The following USP13 variants were observed in gnomAD, a reference collection of about 807,000 sequenced individuals.
USP13 encodes ubiquitin carboxyl-terminal hydrolase 13.
A neutral mutation model predicts 107.8 loss-of-function variants in USP13; 68 were observed. That is an observed-to-expected ratio of 0.63 (90% CI 0.52 to 0.77). The LOEUF (loss-of-function observed/expected upper bound fraction) is 0.77, where lower values mean the gene tolerates loss of function less well. USP13 is among the 30% of genes least tolerant of loss of function. USP13 has a pLI of 0.00. For synonymous variants in USP13, 377 were observed against 389.5 expected (o/e 0.97, Z 0.38); for missense variants, 945 against 1,093.3 (o/e 0.86, Z 1.91).
At chr3:179,715,037 C>T (rs1031736285) in intron 6 of USP13, among the ~76,000 whole-genome samples, 20 of 151,498 alleles carry the variant, frequency 1.3e-4, no homozygotes, top group Non-Finnish European at 2.9e-5. Context: ...ACTCCATACT[C>T]GGCTAATTTT....
intron 20 of USP13, among the ~76,000 whole-genome samples, chr3:179,783,624 AAGGG>A (rs903139944): frequency 2.4e-4 from 36 of 152,324 alleles, no homozygotes; most frequent in Admixed American, 1.4e-3. Flanking sequence ...GATTTCTATA[AAGGG>A]AGTTATGGGA....
At position 179,721,470 on chromosome 3, in the gene USP13, G is replaced by A. The variant is rs774688958; in HGVS notation, c.969G>A (p.Ser323=). ...RVSEWEVIQE[S]GTKLKPMYGP... is the part of the protein sequence containing the mutation. ...GTGAGTGGGAAGTGATCCAGGAGTC[G>A]GGCACGAAACTGAAGCCAATGTATG... The change falls in exon 8 of 21, where the codon TCG becomes TCA. Residue 323 remains serine (S), a synonymous_variant. Coordinates refer to ENST00000263966, the MANE Select transcript of USP13 (RefSeq NM_003940.3). This position sits in a 1 kb window ranked among gnomAD's most constrained non-coding sequence, Gnocchi z 4.3. 1.1e-5 allele frequency: 17 copies of A among 1,614,000 alleles called. No homozygotes were observed. Among genetic ancestry groups the A allele is most frequent in the Admixed American group, 3.3e-5 (2 of 59,984 alleles).
intron 13 of USP13, 89 bp from the exon 14 acceptor site, chr3:179,752,196 G>A (rs1714636649): frequency 8.7e-7 from 1 of 1,152,618 alleles, no homozygotes; most frequent in Non-Finnish European, 1.3e-6. Context: ...ATGGCCAGGT[G>A]TGCCTCAGAC....
chr3:179,671,449 G>C (rs987346740), intron 1 of USP13, among the ~76,000 whole-genome samples: 2 of 151,978 alleles, frequency 1.3e-5, no homozygotes, highest in Admixed American at 6.6e-5. Flanking sequence ...AAAACAGGAA[G>C]AAAAAAAATT....
chr3:179,753,303 G>A (rs769650230), intron 14 of USP13, among the ~76,000 whole-genome samples: 3 of 152,178 alleles, frequency 2.0e-5, no homozygotes, highest in Non-Finnish European at 2.9e-5. Context: ...ACGTGAAATT[G>A]TGCTGGGCTG....
At chr3:179,692,057 A>C (rs1596181) in intron 3 of USP13, among the ~76,000 whole-genome samples, 70,877 of 152,058 alleles carry the variant, frequency 0.47, 17,410 homozygotes, top group Admixed American at 0.54. Context: ...ATATGTATGT[A>C]TGCATGCATG....
chr3:179,744,326 C>A (rs567444013), intron 12 of USP13, among the ~76,000 whole-genome samples: 8 of 150,708 alleles, frequency 5.3e-5, no homozygotes, highest in Non-Finnish European at 5.9e-5. Flanking sequence ...TCTTGCCAGG[C>A]GCTTAGTGGT....
At position 179,653,194 on chromosome 3, in the gene USP13, C is replaced by G. The variant is rs1290920426; in HGVS notation, c.-32C>G. 7.6e-7 allele frequency: 1 copy of G among 1,315,764 alleles called. No homozygotes were observed. Among genetic ancestry groups the G allele is most frequent in the Admixed American group, 3.2e-5 (1 of 31,316 alleles). The allele number at this position is 1,315,764 out of a possible 1,614,324, so 81.5% of individuals were successfully genotyped here. On this transcript the variant is annotated 5_prime_UTR_variant, in exon 1 of 21. Coordinates refer to ENST00000263966, the MANE Select transcript of USP13 (RefSeq NM_003940.3). This position sits in a 1 kb window ranked among gnomAD's most constrained non-coding sequence, Gnocchi z 4.0. ...CAGACCCCGCGCTCCGGCTCCGGCT[C>G]GGCTCGCTCGGCTCCGGTGCGCGCC...
intron 13 of USP13, among the ~76,000 whole-genome samples, chr3:179,751,861 C>T (rs1714623577): frequency 6.6e-6 from 1 of 152,114 alleles, no homozygotes; most frequent in Non-Finnish European, 1.5e-5. Context: ...GTGGGGATTA[C>T]AGGCGTGCCC....
At position 179,784,899 on chromosome 3, in the gene USP13, G is replaced by A. The variant is rs1408386065; in HGVS notation, c.*758G>A. The A allele has an allele frequency of 1.3e-5, 2 of 152,164 alleles. No homozygotes were observed. Among genetic ancestry groups the A allele is most frequent in the Admixed American group, 6.5e-5 (1 of 15,282 alleles). The allele number at this position is 152,164 out of a possible 1,614,324, so 9.4% of individuals were successfully genotyped here. On this transcript the variant is annotated 3_prime_UTR_variant, in exon 21 of 21. Transcript: ENST00000263966. ...ACAAAACTATGACTCAGGAACCTTC[G>A]AGAAGATTAGTTCCCCACTTAGATT...
intron 14 of USP13, among the ~76,000 whole-genome samples, chr3:179,752,616 C>T (rs1218279667): frequency 6.6e-6 from 1 of 152,218 alleles, no homozygotes; most frequent in Non-Finnish European, 1.5e-5. Flanking sequence ...ACAGAATCCT[C>T]ACATTGTCAA....
chr3:179,667,043 G>T (rs1720607593), intron 1 of USP13, among the ~76,000 whole-genome samples: 1 of 152,294 alleles, frequency 6.6e-6, no homozygotes, highest in South Asian at 2.1e-4. Context: ...ATATCTTATT[G>T]CTGTCCTCTC....
chr3:179,690,371 T>C, intron 3 of USP13, 70 bp downstream of exon 3: 1 of 1,369,384 alleles, frequency 7.3e-7, no homozygotes, highest in Non-Finnish European at 1.0e-6. Flanking sequence ...CTCATGTGCA[T>C]CTTTGATTTA....
rs1275831215 is a variant in USP13, at chr3:179,784,187, A to G, written c.*46A>G. 2 of 1,400,182 alleles carry G rather than the reference A, an allele frequency of 1.4e-6. No homozygotes were observed. Among genetic ancestry groups the G allele is most frequent in the Non-Finnish European group, 9.8e-7 (1 of 1,015,384 alleles). The allele number at this position is 1,400,182 out of a possible 1,614,324, so 86.7% of individuals were successfully genotyped here. A position where few individuals can be genotyped will look rare whatever the true frequency, so the allele number is the denominator to read the frequency against. ...CGAAAAGAAGCCATACGCCTTTTTA[A>G]TTTGCCAAAAAAAAAAAGAAGAAGA... On this transcript the variant is annotated 3_prime_UTR_variant, in exon 21 of 21. Coordinates refer to ENST00000263966, the MANE Select transcript of USP13 (RefSeq NM_003940.3).
At chr3:179,732,831 C>T (rs1054992441) in intron 10 of USP13, among the ~76,000 whole-genome samples, 1 of 152,194 alleles carries the variant, frequency 6.6e-6, no homozygotes, top group Non-Finnish European at 1.5e-5. Flanking sequence ...CTCTCTTCCC[C>T]CACTGGATTC....
rs144581617 is a variant in USP13 at position 179,761,593 on chromosome 3, G to A, written c.2092+338G>A. 3.8e-3 allele frequency among the ~76,000 whole-genome samples: 572 copies of A among 152,174 alleles called. 1 individual carries two copies. The highest frequency in any genetic ancestry group is 5.9e-3 in the Non-Finnish European group (404 of 67,982). On this transcript the variant is annotated intron_variant, in intron 17 of 20. Coordinates refer to ENST00000263966, the MANE Select transcript of USP13 (RefSeq NM_003940.3). Reference sequence around the variant, plus strand: ...AAAAATTAGCTGGGCATGGTGGTGCGTACCTGTAGTCCCAGCTACTCAGGA... The same window carrying A: ...AAAAATTAGCTGGGCATGGTGGTGCATACCTGTAGTCCCAGCTACTCAGGA...
Position 179,765,796 on chromosome 3 carries a change from CATT to C in USP13, c.2365_2367del (p.Ile789del). 6.2e-7 allele frequency: 1 copy of C among 1,614,130 alleles called. No homozygotes were observed. Among genetic ancestry groups the C allele is most frequent in the Non-Finnish European group, 8.5e-7 (1 of 1,180,040 alleles). ...AGATGGAGAATAATGCCAATGCAAA[CATT>C]ATTTCTGAGGCCAAGCCCGAAGGAC... On this transcript the variant is annotated inframe_deletion, in exon 19 of 21. Coordinates refer to ENST00000263966, the MANE Select transcript of USP13 (RefSeq NM_003940.3).
At chr3:179,778,496 G>C (rs1453308486) in intron 19 of USP13, among the ~76,000 whole-genome samples, 1 of 152,198 alleles carries the variant, frequency 6.6e-6, no homozygotes, top group Non-Finnish European at 1.5e-5. Context: ...GGGCATGGTG[G>C]CTCATACCTG....
chr3:179,663,532 G>A (rs576563490), intron 1 of USP13, among the ~76,000 whole-genome samples: 2 of 152,150 alleles, frequency 1.3e-5, no homozygotes, highest in Non-Finnish European at 2.9e-5. Context: ...GCTAAGGCTC[G>A]GGCCCTCATC....
Sources: gnomAD v4.1 joint callset for allele counts (sites outside exome capture counted in the v4.1 genomes callset) on GRCh38, gnomAD v4.1.1 for gene constraint, Gnocchi (gnomAD v3.1) non-coding constraint, MANE v1.5 for transcripts, NCBI Gene and HGNC (gene_info 2026-07-23, HGNC 2026-07-21) for gene names.